IGF2BP2: variants seen among roughly 807,000 people sequenced by gnomAD.
IGF2BP2 encodes insulin-like growth factor 2 mRNA-binding protein 2.
Under a neutral mutation model 75.8 loss-of-function variants are expected in IGF2BP2, and 17 were observed. The ratio of observed to expected loss-of-function variants is 0.22; its 90% CI spans 0.15 to 0.34. IGF2BP2 has a LOEUF of 0.34. Ranked by LOEUF, IGF2BP2 falls within the 10% of genes least tolerant of loss-of-function variation. IGF2BP2 has a pLI of 1.00. For synonymous variants in IGF2BP2, 288 were observed against 295.6 expected, an observed-to-expected ratio of 0.97 and a Z score of 0.26; for missense variants, 516 against 772.4, an observed-to-expected ratio of 0.67 and a Z score of 3.93.
At chr3:185,720,961 A>T (rs1726438277) in intron 2 of IGF2BP2, among the ~76,000 whole-genome samples, 1 of 152,210 alleles carries the variant, frequency 6.6e-6, no homozygotes. Context: ...TGGTCAAAGG[A>T]AAGACAGAAA....
At chr3:185,704,070 C>T (rs1350069143) in intron 2 of IGF2BP2, among the ~76,000 whole-genome samples, 1 of 152,216 alleles carries the variant, frequency 6.6e-6, no homozygotes. Context: ...CTTGTGAGAG[C>T]GTCCTTTGGG....
intron 2 of IGF2BP2, among the ~76,000 whole-genome samples, chr3:185,785,589 T>C (rs2149824398): frequency 6.6e-6 from 1 of 151,896 alleles, no homozygotes; most frequent in Non-Finnish European, 1.5e-5. Flanking sequence ...GAGACCAAGG[T>C]AGAAGGATCA....
intron 2 of IGF2BP2, among the ~76,000 whole-genome samples, chr3:185,700,567 T>C (rs1487779471): frequency 6.6e-6 from 1 of 152,192 alleles, no homozygotes; most frequent in Admixed American, 6.5e-5. Flanking sequence ...AAATTCTCTA[T>C]GGAAGATGTC....
chr3:185,744,471 AACT>A (rs1285173408), intron 2 of IGF2BP2, among the ~76,000 whole-genome samples: 4 of 152,224 alleles, frequency 2.6e-5, no homozygotes, highest in African/African-American at 7.2e-5. Flanking sequence ...CATCAGAGGA[AACT>A]ACTATTAATT....
chr3:185,665,169 T>TAAAAAAAAA (rs869141172), intron 10 of IGF2BP2, among the ~76,000 whole-genome samples: 2 of 96,768 alleles, frequency 2.1e-5, no homozygotes, highest in African/African-American at 8.3e-5. Context: ...CCCTGTTTCT[T>TAAAAAAAAA]AAAAAAAAAA....
At chr3:185,782,448 G>A (rs1011394862) in intron 2 of IGF2BP2, among the ~76,000 whole-genome samples, 4 of 151,886 alleles carry the variant, frequency 2.6e-5, no homozygotes, top group Admixed American at 6.6e-5. Context: ...ACGTTTCACC[G>A]ACTATCTCTG....
At chr3:185,795,265 G>A (rs1164135300) in intron 2 of IGF2BP2, among the ~76,000 whole-genome samples, 1 of 152,158 alleles carries the variant, frequency 6.6e-6, no homozygotes, top group Non-Finnish European at 1.5e-5. Context: ...TTAGCAAAAT[G>A]TCTTCATGGC....
At chr3:185,718,699 A>G (rs1359831115) in intron 2 of IGF2BP2, among the ~76,000 whole-genome samples, 1 of 151,088 alleles carries the variant, frequency 6.6e-6, no homozygotes, top group East Asian at 1.9e-4. Context: ...AAAAAAAAAA[A>G]AAAAAAAAAG....
chr3:185,736,450 T>C (rs1428388219), intron 2 of IGF2BP2, among the ~76,000 whole-genome samples: 1 of 152,218 alleles, frequency 6.6e-6, no homozygotes, highest in Non-Finnish European at 1.5e-5. Context: ...AGCTTTGACC[T>C]CAGATTTTGA....
chr3:185,700,590 A>G (rs193279462), intron 2 of IGF2BP2, among the ~76,000 whole-genome samples: 39 of 152,360 alleles, frequency 2.6e-4, no homozygotes, highest in Admixed American at 1.8e-3. Flanking sequence ...CAAGCCTAAC[A>G]GTCTGTAGAA....
intron 2 of IGF2BP2, among the ~76,000 whole-genome samples, chr3:185,776,073 G>A (rs1350867677): frequency 1.3e-5 from 2 of 151,948 alleles, no homozygotes; most frequent in East Asian, 1.9e-4. Context: ...GTGAGGTCAC[G>A]TCTTTATAAA....
At chr3:185,711,358 A>G (rs1724767003) in intron 2 of IGF2BP2, among the ~76,000 whole-genome samples, 1 of 152,190 alleles carries the variant, frequency 6.6e-6, no homozygotes, top group Non-Finnish European at 1.5e-5. Flanking sequence ...TGTGCACCGC[A>G]GTCTCTCAGT....
In IGF2BP2 at chr3:185,739,712, C is replaced by T. The variant is rs564550647; in HGVS notation, c.240-41365G>A. ...TAGCCCCACAATGCAACCCAGATCT[C>T]GGCGGAGGTTCCAGACCATCTGCCA... is the stretch of plus-strand genomic sequence containing the variant. On this transcript the variant is annotated intron_variant, in intron 2 of 15. Transcript: ENST00000382199. 4.6e-5 allele frequency among the ~76,000 whole-genome samples: 7 copies of T among 152,264 alleles called. No individual in the cohort carries two copies. The South Asian group carries it at 1.2e-3, about 27-fold the overall frequency.
chr3:185,780,784 A>G (rs1336629172), intron 2 of IGF2BP2, among the ~76,000 whole-genome samples: 1 of 152,232 alleles, frequency 6.6e-6, no homozygotes, highest in Non-Finnish European at 1.5e-5. Context: ...ATCCCTAAGA[A>G]GTGCACAGAG....
At chr3:185,810,783 C>A (rs59432710) in intron 2 of IGF2BP2, among the ~76,000 whole-genome samples, 1,851 of 55,736 alleles carry the variant, frequency 0.033, 30 homozygotes, top group African/African-American at 0.16. Flanking sequence ...AAAAAAAAAA[C>A]AACAAAAAAC....
At chr3:185,708,392 G>A (rs1480738766) in intron 2 of IGF2BP2, among the ~76,000 whole-genome samples, 3 of 152,092 alleles carry the variant, frequency 2.0e-5, no homozygotes, top group Non-Finnish European at 4.4e-5. Flanking sequence ...AGCATCAACC[G>A]CAACGTAGAG....
intron 10 of IGF2BP2, among the ~76,000 whole-genome samples, chr3:185,668,689 A>G (rs1331787388): frequency 1.3e-5 from 2 of 151,686 alleles, no homozygotes; most frequent in South Asian, 2.1e-4. Flanking sequence ...AGCAAAGAGA[A>G]TATCTGTTGA....
intron 2 of IGF2BP2, among the ~76,000 whole-genome samples, chr3:185,754,021 T>C (rs1051701191): frequency 6.6e-6 from 1 of 151,446 alleles, no homozygotes; most frequent in Non-Finnish European, 1.5e-5. Flanking sequence ...CTGGGCAACA[T>C]GTTGAAACCC....
At chr3:185,726,512 A>G (rs994630247) in intron 2 of IGF2BP2, among the ~76,000 whole-genome samples, 45 of 152,366 alleles carry the variant, frequency 3.0e-4, no homozygotes, top group Admixed American at 5.9e-4. Flanking sequence ...CCACTTATCT[A>G]CCTCACAAAG....
Sources: gnomAD v4.1 joint callset for allele counts (sites outside exome capture counted in the v4.1 genomes callset) on GRCh38, gnomAD v4.1.1 for gene constraint, MANE v1.5 for transcripts, NCBI Gene and HGNC (gene_info 2026-07-23, HGNC 2026-07-21) for gene names.